FOXK2: variants seen among roughly 807,000 people sequenced by gnomAD.
FOXK2 encodes forkhead box K2.
Under a neutral mutation model 53.3 loss-of-function variants are expected in FOXK2, and 24 were observed. The observed-to-expected ratio is 0.45, with a 90% CI of 0.33 to 0.63. The LOEUF is 0.63. Ranked by LOEUF, FOXK2 falls within the 30% of genes least tolerant of loss-of-function variation. FOXK2 has a pLI of 0.03. For missense variants in FOXK2, 952 were observed against 910.5 expected (o/e 1.05, Z -0.59); for synonymous variants, 505 against 407.1 (o/e 1.24, Z -2.89).
At position 82,603,209 on chromosome 17, in the gene FOXK2, G is replaced by T. The variant is rs151033563; in HGVS notation, c.*1710G>T. ...CGTGACTGAGACCGTGTGTGTGACC[G>T]CAGCAAAGCGCAGCGTGTGGATGGA... On this transcript the variant is annotated 3_prime_UTR_variant, in exon 9 of 9. Transcript: ENST00000335255. The T allele has an allele frequency of 1.3e-5, 2 of 152,390 alleles. No individual in the cohort carries two copies. Among genetic ancestry groups the T allele is most frequent in the African/African-American group, 2.4e-5 (1 of 41,580 alleles). The allele number at this position is 152,390 out of a possible 1,614,324, so 9.4% of individuals were successfully genotyped here.
chr17:82,523,078 C>CCA (rs1318114777), intron 1 of FOXK2, among the ~76,000 whole-genome samples: 17 of 152,228 alleles, frequency 1.1e-4, no homozygotes. Context: ...CAGCTGTGAG[C>CCA]CACCACGCCT....
At chr17:82,553,961 G>A (rs1010054364) in intron 1 of FOXK2, among the ~76,000 whole-genome samples, 1 of 152,136 alleles carries the variant, frequency 6.6e-6, no homozygotes, top group African/African-American at 2.4e-5. Flanking sequence ...AGTCTCCCGA[G>A]TATTTGGGAC....
rs540927015 is a variant in FOXK2 at position 82,577,256 on chromosome 17, T to G, written c.909+5386T>G. On this transcript the variant is annotated intron_variant, in intron 4 of 8. Coordinates refer to ENST00000335255, the MANE Select transcript of FOXK2 (RefSeq NM_004514.4). ...CGTGTCTTCAAACTCCAGGTAGTACTTGTCCATGTAATTTCTCTGTAATAA... is the reference window on the plus strand; with the variant it reads ...CGTGTCTTCAAACTCCAGGTAGTACGTGTCCATGTAATTTCTCTGTAATAA... 9.8e-5 allele frequency: 127 copies of G among 1,300,614 alleles called. 1 individual carries two copies. The African/African-American group carries it at 1.7e-3, about 17-fold the overall frequency. 80.6% of individuals were successfully genotyped at this position (1,300,614 alleles called of 1,614,324 possible).
In FOXK2 at chr17:82,520,179, G is replaced by A; in HGVS notation, c.291G>A (p.Glu97=). The change falls in exon 1 of 9, where the codon GAG becomes GAA. Residue 97 remains glutamate, a synonymous_variant. Transcript: ENST00000335255. ...GGGGHGGAAP[E]LPPAQPRPDA... is the part of the protein sequence containing the mutation. ...GCGGCCATGGCGGGGCCGCTCCGGA[G>A]CTGCCGCCCGCGCAGCCCAGGCCCG... 5 of 1,452,934 alleles carry A rather than the reference G, an allele frequency of 3.4e-6. No individual in the cohort carries two copies. Among genetic ancestry groups the A allele is most frequent in the Non-Finnish European group, 4.5e-6 (5 of 1,100,632 alleles). 90.0% of individuals were successfully genotyped at this position (1,452,934 alleles called of 1,614,324 possible).
intron 1 of FOXK2, among the ~76,000 whole-genome samples, chr17:82,563,145 G>A (rs1271776997): frequency 6.6e-6 from 1 of 152,104 alleles, no homozygotes; most frequent in Non-Finnish European, 1.5e-5. Context: ...GCTGGTCTAA[G>A]TAGCGTTTTC....
intron 4 of FOXK2, among the ~76,000 whole-genome samples, chr17:82,580,220 C>A (rs539088109): frequency 6.9e-6 from 1 of 144,834 alleles, no homozygotes; most frequent in African/African-American, 2.6e-5. Flanking sequence ...ATGGCCCAGC[C>A]CACCTCTCCA....
chr17:82,538,583 T>C (rs1043510752), intron 1 of FOXK2, among the ~76,000 whole-genome samples: 4 of 152,262 alleles, frequency 2.6e-5, no homozygotes, highest in African/African-American at 7.2e-5. Context: ...TGTCCTCTGC[T>C]GGTGGACACA....
In FOXK2 at chr17:82,560,785, C is replaced by G. The variant is rs186115715; in HGVS notation, c.420-2569C>G. On this transcript the variant is annotated intron_variant, in intron 1 of 8. Coordinates refer to ENST00000335255, the MANE Select transcript of FOXK2 (RefSeq NM_004514.4). ...GACTGAGGTGGGTGGATCACTTGAGCCCAGGAGTTTGAGACCAGCCTGGGA... is the reference window on the plus strand; with the variant it reads ...GACTGAGGTGGGTGGATCACTTGAGGCCAGGAGTTTGAGACCAGCCTGGGA... 3.0e-4 allele frequency among the ~76,000 whole-genome samples: 46 copies of G among 152,154 alleles called. 1 individual carries two copies. The highest frequency in any genetic ancestry group is 9.2e-4 in the African/African-American group (38 of 41,492).
rs779184062 is a variant in FOXK2, at chr17:82,586,165, A to G, written c.1541A>G (p.Glu514Gly). Residue 514 changes from glutamate to glycine, a missense_variant, in exon 7 of 9, where the codon GAG becomes GGG. Transcript: ENST00000335255. Reference protein sequence around the residue: ...PAAVLAPPKAEAQENGDHREV... With the variant: ...PAAVLAPPKAGAQENGDHREV... ...GCCGTGCTGGCCCCTCCTAAGGCAG[A>G]GGCCCAGGAGAATGGAGACCACAGG... 5.0e-6 allele frequency: 8 copies of G among 1,611,478 alleles called. No individual in the cohort carries two copies. The highest frequency in any genetic ancestry group is 6.8e-6 in the Non-Finnish European group (8 of 1,179,454).
intron 1 of FOXK2, among the ~76,000 whole-genome samples, chr17:82,544,613 A>G (rs2044605576): frequency 6.6e-6 from 1 of 152,194 alleles, no homozygotes; most frequent in Non-Finnish European, 1.5e-5. Context: ...GGCTAATTGA[A>G]GGGTATAATT....
intron 1 of FOXK2, among the ~76,000 whole-genome samples, chr17:82,527,490 A>G (rs534215712): frequency 2.6e-5 from 4 of 151,562 alleles, no homozygotes; most frequent in Admixed American, 6.6e-5. Flanking sequence ...TTAACTGGGC[A>G]TGGTGGCGGA....
intron 8 of FOXK2, among the ~76,000 whole-genome samples, chr17:82,591,823 C>T (rs757444289): frequency 1.3e-5 from 2 of 152,254 alleles, no homozygotes; most frequent in African/African-American, 4.8e-5. Flanking sequence ...GTTTCCAAAG[C>T]TCATCTCCTG....
chr17:82,592,701 G>A (rs539222774), intron 8 of FOXK2, among the ~76,000 whole-genome samples: 3 of 152,386 alleles, frequency 2.0e-5, no homozygotes, highest in Admixed American at 2.0e-4. Context: ...GTTGACTCCA[G>A]TGTTTCCTGG....
chr17:82,531,396 A>T (rs1228710150), intron 1 of FOXK2, among the ~76,000 whole-genome samples: 1 of 152,174 alleles, frequency 6.6e-6, no homozygotes, highest in Non-Finnish European at 1.5e-5. Context: ...TGTTGATGGT[A>T]GACTCCCCAA....
chr17:82,575,506 A>G (rs561995454), intron 4 of FOXK2, among the ~76,000 whole-genome samples: 3 of 152,188 alleles, frequency 2.0e-5, no homozygotes, highest in Non-Finnish European at 2.9e-5. Context: ...AAGTCCCAAG[A>G]TCATATCCAC....
intron 3 of FOXK2, among the ~76,000 whole-genome samples, chr17:82,571,051 C>T (rs1336448870): frequency 2.6e-5 from 4 of 152,062 alleles, no homozygotes; most frequent in East Asian, 1.9e-4. Context: ...ACCCCTGGTG[C>T]TTATGCCTGG....
intron 1 of FOXK2, among the ~76,000 whole-genome samples, chr17:82,531,143 G>A (rs1370109211): frequency 6.6e-6 from 1 of 152,102 alleles, no homozygotes; most frequent in African/African-American, 2.4e-5. Context: ...TGTGGGCTGG[G>A]CTGATTCATC....
At chr17:82,591,998 G>A (rs985104528) in intron 8 of FOXK2, among the ~76,000 whole-genome samples, 1 of 152,200 alleles carries the variant, frequency 6.6e-6, no homozygotes, top group Non-Finnish European at 1.5e-5. Context: ...CGACCTACTG[G>A]TCTCAAGCCA....
chr17:82,531,998 G>A (rs531176117), intron 1 of FOXK2, among the ~76,000 whole-genome samples: 52 of 150,798 alleles, frequency 3.4e-4, no homozygotes, highest in Non-Finnish European at 6.5e-4. Context: ...ACGCCGCCAC[G>A]CCCGGCTAAT....
Sources: allele counts gnomAD v4.1 joint callset (sites outside exome capture counted in the v4.1 genomes callset), GRCh38; gene constraint gnomAD v4.1.1; transcripts MANE v1.5; gene names NCBI Gene and HGNC (gene_info 2026-07-23, HGNC 2026-07-21).